DOCK1: variants seen among roughly 807,000 people sequenced by gnomAD.
DOCK1 encodes the protein dedicator of cytokinesis protein 1.
A neutral mutation model predicts 262.7 loss-of-function variants in DOCK1; 138 were observed. That is an observed-to-expected ratio of 0.53 (90% CI 0.46 to 0.61). DOCK1 has a LOEUF of 0.61. DOCK1 is among the 20% of genes least tolerant of loss of function. DOCK1 has a pLI of 0.00. For synonymous variants in DOCK1, 866 were observed against 867.4 expected (o/e 1.00, Z 0.03); for missense variants, 1,908 against 2,370.7 (o/e 0.80, Z 4.05).
chr10:127,418,968 A>G (rs1158941721), intron 45 of DOCK1, among the ~76,000 whole-genome samples: 1 of 152,188 alleles, frequency 6.6e-6, no homozygotes, highest in East Asian at 1.9e-4. Flanking sequence ...GAATGGGCAG[A>G]AGTTGAAGGA....
intron 23 of DOCK1, among the ~76,000 whole-genome samples, chr10:127,094,879 G>A (rs1198214556): frequency 2.0e-5 from 3 of 152,142 alleles, no homozygotes; most frequent in Non-Finnish European, 4.4e-5. Flanking sequence ...TCCATCATTT[G>A]GAAGTCACGC....
intron 28 of DOCK1, among the ~76,000 whole-genome samples, chr10:127,253,655 A>G (rs369612248): frequency 2.4e-4 from 36 of 152,132 alleles, no homozygotes; most frequent in South Asian, 4.2e-4. Context: ...AGAAAGATCT[A>G]TTGAGCCCAG....
chr10:127,032,252 G>T lies in DOCK1; in HGVS notation c.1844G>T (p.Ser615Ile). ...ATGKSMQSLG[S>I]CTISKDSFQI... ...GGCAAGAGCATGCAGAGCCTTGGGA[G>T]CTGCACCATTAGCAAGGACTCCTTC... The change falls in exon 18 of 52, where the codon AGC becomes ATC. Residue 615 changes from serine (S) to isoleucine (I), a missense_variant. Transcript: ENST00000623213. 1 of 1,598,986 alleles carries T rather than the reference G, an allele frequency of 6.3e-7. No individual in the cohort carries two copies. The highest frequency in any genetic ancestry group is 8.5e-7 in the Non-Finnish European group (1 of 1,173,420).
chr10:127,425,812 T>C, intron 46 of DOCK1, 62 bp from the exon 47 acceptor site: 2 of 1,597,832 alleles, frequency 1.3e-6, no homozygotes, highest in Non-Finnish European at 1.7e-6. Flanking sequence ...TCCCCAAGTG[T>C]GCATTGCTCG....
At position 127,364,827 on chromosome 10, in the gene DOCK1, TCTTCCTTCTTTCCTCC is replaced by T. The variant is rs541218261; in HGVS notation, c.3432+2633_3432+2648del. Reference sequence around the variant, plus strand: ...TTCTTCCTTCCTCCCTCCCTCCCTTTCTTCCTTCTTTCCTCCCTTCCTTCTTTCCTCCCGTTCTCTC... The same window carrying T: ...TTCTTCCTTCCTCCCTCCCTCCCTTTCTTCCTTCTTTCCTCCCGTTCTCTC... On this transcript the variant is annotated intron_variant, in intron 33 of 51. Transcript: ENST00000623213. Among the ~76,000 whole-genome samples the T allele has an allele frequency of 4.0e-3, 612 of 152,022 alleles. 5 individuals are homozygous for T. Among genetic ancestry groups the T allele is most frequent in the African/African-American group, 0.014 (575 of 41,458 alleles).
At position 126,967,627 on chromosome 10, in the gene DOCK1, G is replaced by A. The variant is rs971716458; in HGVS notation, c.47-3075G>A. Among the ~76,000 whole-genome samples the A allele has an allele frequency of 2.3e-3, 352 of 152,090 alleles. 2 individuals are homozygous for A. In the Middle Eastern group the frequency reaches 0.027, roughly 12 times the overall value. On this transcript the variant is annotated intron_variant, in intron 1 of 51. Coordinates refer to ENST00000623213, the MANE Select transcript of DOCK1 (RefSeq NM_001290223.2). The stretch of plus-strand genomic sequence containing the variant: ...CCCACGGGGCTGTGGGGGAGTCTGC[G>A]CTTCCTCACCGCTTCCAGCTTCCAG...
Position 126,975,436 on chromosome 10 carries a change from C to T in DOCK1, c.131-2512C>T, listed in dbSNP as rs564385997. ...GGCCTGCTTCTCCCAGGCTGGTTGC[C>T]GCAGTGGACACTGCCACCCACGGTG... On this transcript the variant is annotated intron_variant, in intron 2 of 51. Coordinates refer to ENST00000623213, the MANE Select transcript of DOCK1 (RefSeq NM_001290223.2). 1.3e-4 allele frequency among the ~76,000 whole-genome samples: 20 copies of T among 152,278 alleles called. 1 individual carries two copies. The South Asian group carries it at 3.7e-3, about 28-fold the overall frequency.
chr10:127,271,556 A>G (rs1325725904), intron 29 of DOCK1, among the ~76,000 whole-genome samples: 1 of 152,198 alleles, frequency 6.6e-6, no homozygotes, highest in Admixed American at 6.5e-5. Context: ...ATTGTTTTTC[A>G]TGCAAGACCC....
chr10:127,147,471 T>G (rs1182118856), intron 27 of DOCK1, among the ~76,000 whole-genome samples: 1 of 152,134 alleles, frequency 6.6e-6, no homozygotes, highest in Non-Finnish European at 1.5e-5. Context: ...CTCGCCTGCC[T>G]TTTACGTCCT....
At chr10:127,044,003 A>T (rs932548174) in intron 21 of DOCK1, among the ~76,000 whole-genome samples, 1 of 151,872 alleles carries the variant, frequency 6.6e-6, no homozygotes, top group African/African-American at 2.4e-5. Context: ...TATTATGATG[A>T]CTTACCGGCT....
At chr10:126,999,028 A>G (rs1591590138) in intron 8 of DOCK1, among the ~76,000 whole-genome samples, 2 of 152,314 alleles carry the variant, frequency 1.3e-5, no homozygotes, top group East Asian at 3.9e-4. Flanking sequence ...AGGTTTTGAA[A>G]TAAACATGCA....
At chr10:127,098,022 C>T (rs1298693295) in intron 23 of DOCK1, among the ~76,000 whole-genome samples, 1 of 152,170 alleles carries the variant, frequency 6.6e-6, no homozygotes, top group Admixed American at 6.5e-5. Flanking sequence ...CACTTTCGTC[C>T]CTCACCCCCA....
Position 127,148,337 on chromosome 10 carries a change from T to A in DOCK1, c.2847+20573T>A, listed in dbSNP as rs904564235. Among the ~76,000 whole-genome samples the A allele has an allele frequency of 3.3e-5, 5 of 152,310 alleles. No individual in the cohort carries two copies. The East Asian group carries it at 5.8e-4, about 18-fold the overall frequency. On this transcript the variant is annotated intron_variant, in intron 27 of 51. Coordinates refer to ENST00000623213, the MANE Select transcript of DOCK1 (RefSeq NM_001290223.2). ...GTCACTCAGGGCTTGCAACTGATGG[T>A]AGGAATTCTACCACTTGACGAGAAG...
chr10:127,168,880 C>G (rs76797777), intron 27 of DOCK1, among the ~76,000 whole-genome samples: 53 of 152,298 alleles, frequency 3.5e-4, no homozygotes, highest in African/African-American at 1.2e-3. Flanking sequence ...AAATAGTCCC[C>G]TTATGCTTCC....
intron 21 of DOCK1, among the ~76,000 whole-genome samples, chr10:127,046,501 C>T (rs1295065171): frequency 6.6e-6 from 1 of 152,110 alleles, no homozygotes; most frequent in Non-Finnish European, 1.5e-5. Flanking sequence ...CACCTGTAAT[C>T]CTTGCACTTT....
At chr10:127,003,319 A>G (rs1325208372) in intron 10 of DOCK1, among the ~76,000 whole-genome samples, 3 of 149,814 alleles carry the variant, frequency 2.0e-5, no homozygotes, top group Admixed American at 6.6e-5. Flanking sequence ...TGTAACCTTT[A>G]TGAACCTGTG....
rs557688331 is a variant in DOCK1 at position 127,419,912 on chromosome 10, A to G, written c.4776+163A>G. On this transcript the variant is annotated intron_variant, in intron 46 of 51. Transcript: ENST00000623213. ...AACCCACCCACTGCTGTCGTGATCA[A>G]CTCAGCTCCTGGGCTGCAGTCAGGA... 5.3e-5 allele frequency among the ~76,000 whole-genome samples: 8 copies of G among 152,276 alleles called. No homozygotes were observed. In the East Asian group the frequency reaches 1.5e-3, roughly 29 times the overall value.
chr10:126,988,052 T>C (rs1000475891), intron 5 of DOCK1: 7 of 102,548 alleles, frequency 6.8e-5, no homozygotes, highest in African/African-American at 2.8e-4. Context: ...ATACCTCTTA[T>C]CATTTAAGAA....
chr10:126,930,079 G>A (rs2034074658), intron 1 of DOCK1, among the ~76,000 whole-genome samples: 1 of 152,200 alleles, frequency 6.6e-6, no homozygotes, highest in Admixed American at 6.5e-5. Context: ...TGGTCCTTGT[G>A]TCTGCCTTCG....
Sources: allele counts gnomAD v4.1 joint callset (sites outside exome capture counted in the v4.1 genomes callset), GRCh38; gene constraint gnomAD v4.1.1; transcripts MANE v1.5; gene names NCBI Gene and HGNC (gene_info 2026-07-23, HGNC 2026-07-21).